Variants in SIGLEC5 observed in about 807,000 individuals in gnomAD.
SIGLEC5 encodes sialic acid binding Ig like lectin 5.
In SIGLEC5, 34 loss-of-function variants were observed where a neutral mutation model predicts 45.9. The observed-to-expected ratio is 0.74, with a 90% confidence interval of 0.56 to 0.99. SIGLEC5 has a LOEUF of 0.99. SIGLEC5 is among the 50% of genes least tolerant of loss of function. The pLI is 0.00. For missense variants in SIGLEC5, 508 were observed against 629.6 expected (o/e 0.81, Z 2.07); for synonymous variants, 203 against 258.6 (o/e 0.79, Z 2.06).
intron 8 of SIGLEC5, among the ~76,000 whole-genome samples, chr19:51,622,822 A>AT (rs1041130865): frequency 6.6e-6 from 1 of 151,692 alleles, no homozygotes; most frequent in Non-Finnish European, 1.5e-5. Flanking sequence ...CATCAGTTCA[A>AT]TTTTTTTTTA....
intron 8 of SIGLEC5, among the ~76,000 whole-genome samples, chr19:51,623,295 G>C (rs1355999632): frequency 6.6e-6 from 1 of 152,128 alleles, no homozygotes; most frequent in African/African-American, 2.4e-5. Context: ...ATAGAAAAGA[G>C]AGGATTTGTG....
In SIGLEC5 at chr19:51,629,033, C is replaced by T; in HGVS notation, c.739+5G>A. ...TCCCAGCTTCAGAGAGGAGGTCTTT[C>T]CTACCTATGCCGTTCCTGAAGATGG... On this transcript the variant is annotated splice_donor_5th_base_variant and intron_variant, in intron 4 of 8. Transcript: ENST00000683636. 6.2e-7 allele frequency: 1 copy of T among 1,613,610 alleles called. No individual in the cohort carries two copies.
intron 8 of SIGLEC5, among the ~76,000 whole-genome samples, chr19:51,615,164 G>A (rs935433908): frequency 7.2e-5 from 11 of 152,160 alleles, no homozygotes; most frequent in Non-Finnish European, 1.2e-4. Context: ...CATAGTTCTT[G>A]TCAAAAGAGT....
At position 51,627,448 on chromosome 19, in the gene SIGLEC5, A is replaced by G. The variant is rs781572384; in HGVS notation, c.1282+14T>C. The G allele has an allele frequency of 5.6e-6, 9 of 1,605,258 alleles. No individual in the cohort carries two copies. The South Asian group carries it at 8.9e-5, about 16-fold the overall frequency. ...TCCCCTCAGGCCCCTGCCCTCTGCA[A>G]TACGCCCCCTGACCTTGCAGCAGCA... is the stretch of plus-strand genomic sequence containing the variant. On this transcript the variant is annotated intron_variant, in intron 6 of 8. Transcript: ENST00000683636.
chr19:51,613,796 G>A (rs1331418372), intron 8 of SIGLEC5, among the ~76,000 whole-genome samples: 4 of 151,966 alleles, frequency 2.6e-5, no homozygotes, highest in Admixed American at 6.6e-5. Flanking sequence ...GCGAGGCCAG[G>A]ATTCGAACTC....
intron 8 of SIGLEC5, among the ~76,000 whole-genome samples, chr19:51,617,379 A>G (rs1367966051): frequency 6.6e-6 from 1 of 152,156 alleles, no homozygotes; most frequent in African/African-American, 2.4e-5. Context: ...AAAAAGATGC[A>G]GGGAATCCCA....
intron 4 of SIGLEC5, among the ~76,000 whole-genome samples, chr19:51,628,594 CGTGTGCGGGTGTACGTACAT>C (rs1389632065): frequency 6.8e-4 from 103 of 150,472 alleles, no homozygotes; most frequent in Non-Finnish European, 1.5e-5. Flanking sequence ...TGTGTGTGTG[CGTGTGCGGGTGTACGTACAT>C]GTGTGCGTGT....
Position 51,626,114 on chromosome 19 carries a change from C to CT in SIGLEC5, c.1383-2dup, listed in dbSNP as rs1400909068. The CT allele has an allele frequency of 1.2e-6, 2 of 1,613,484 alleles. No homozygotes were observed. The highest frequency in any genetic ancestry group is 2.2e-5 in the South Asian group (2 of 91,060). ...TGCTTGCTTCCTGCGGGCTTTCACT[C>CT]TAAGGAAAGAAACCAGCACAGTGCA... On this transcript the variant is annotated splice_acceptor_variant, in intron 7 of 8. Coordinates refer to ENST00000683636, the MANE Select transcript of SIGLEC5 (RefSeq NM_003830.4). LOFTEE classifies it high-confidence loss of function.
chr19:51,629,302 A>ACACACG, intron 3 of SIGLEC5, 56 bp downstream of exon 3: 1 of 1,542,880 alleles, frequency 6.5e-7, no homozygotes, highest in Non-Finnish European at 8.9e-7. Flanking sequence ...ACACACACAC[A>ACACACG]CACCCCTCAC....
rs1317198324 is a variant in SIGLEC5 at position 51,627,861 on chromosome 19, G to T, written c.970C>A (p.Gln324Lys). 1.9e-6 allele frequency: 3 copies of T among 1,607,946 alleles called. No homozygotes were observed. The highest frequency in any genetic ancestry group is 3.4e-5 in the Admixed American group (2 of 58,952). The change falls in exon 5 of 9, where the codon CAA becomes AAA. Residue 324 changes from glutamine to lysine, a missense_variant. By Grantham distance (53) the Gln-to-Lys change is moderately conservative (BLOSUM62 1). This residue lies in a region of SIGLEC5 where 431 missense variants were observed against 428.8 expected (regional missense o/e 1.01). Coordinates refer to ENST00000683636, the MANE Select transcript of SIGLEC5 (RefSeq NM_003830.4). ...CRAQHPLGFLQIFLNLSVYSL... is the reference protein window; with the variant it reads ...CRAQHPLGFLKIFLNLSVYSL... ...TAAACTGAGAGATTCAGAAAAATTT[G>T]CAGGAAGCCCAGCGGGTGCTGAGCG...
At chr19:51,616,671 G>A (rs1360530064) in intron 8 of SIGLEC5, among the ~76,000 whole-genome samples, 1 of 152,106 alleles carries the variant, frequency 6.6e-6, no homozygotes, top group Non-Finnish European at 1.5e-5. Flanking sequence ...TAGCACTTTG[G>A]AAGGCCAAGG....
At chr19:51,614,638 A>G (rs1462160207) in intron 8 of SIGLEC5, among the ~76,000 whole-genome samples, 1 of 152,230 alleles carries the variant, frequency 6.6e-6, no homozygotes, top group Non-Finnish European at 1.5e-5. Flanking sequence ...TATATGAAAT[A>G]AAAAGGGTGA....
chr19:51,628,209 G>A, intron 4 of SIGLEC5, 118 bp from the exon 5 acceptor site: 1 of 1,166,138 alleles, frequency 8.6e-7, no homozygotes, highest in Admixed American at 3.2e-5. Context: ...GCCTATGCTG[G>A]CTTGATTGCA....
At chr19:51,618,460 A>AC (rs1486943176) in intron 8 of SIGLEC5, among the ~76,000 whole-genome samples, 1 of 149,986 alleles carries the variant, frequency 6.7e-6, no homozygotes, top group Non-Finnish European at 1.5e-5. Flanking sequence ...AAAAAAAAAA[A>AC]AAAAAAAACA....
Position 51,611,509 on chromosome 19 carries a change from A to T in SIGLEC5, c.*722T>A, listed in dbSNP as rs1340998007. Among the ~76,000 whole-genome samples, 1 of 152,196 alleles carries T rather than the reference A, an allele frequency of 6.6e-6. No individual in the cohort carries two copies. The highest frequency in any genetic ancestry group is 6.5e-5 in the Admixed American group (1 of 15,286). On this transcript the variant is annotated 3_prime_UTR_variant, in exon 9 of 9. Coordinates refer to ENST00000683636, the MANE Select transcript of SIGLEC5 (RefSeq NM_003830.4). Reference sequence around the variant, plus strand: ...TAGCAGGGAGATCATGAAGGACTTTATGTGTCAGGGGAGATGCTTGTGATA... The same window carrying T: ...TAGCAGGGAGATCATGAAGGACTTTTTGTGTCAGGGGAGATGCTTGTGATA...
At chr19:51,616,268 T>C (rs1456806576) in intron 8 of SIGLEC5, among the ~76,000 whole-genome samples, 1 of 152,200 alleles carries the variant, frequency 6.6e-6, no homozygotes, top group African/African-American at 2.4e-5. Flanking sequence ...ACTAGGACGC[T>C]TTGGTCAAGA....
At chr19:51,623,702 A>G (rs1983376293) in intron 8 of SIGLEC5, among the ~76,000 whole-genome samples, 1 of 152,162 alleles carries the variant, frequency 6.6e-6, no homozygotes, top group African/African-American at 2.4e-5. Flanking sequence ...TTGGAAAGCC[A>G]TTTTTCATGA....
chr19:51,622,967 A>C (rs1336085844), intron 8 of SIGLEC5, among the ~76,000 whole-genome samples: 1 of 152,198 alleles, frequency 6.6e-6, no homozygotes, highest in Admixed American at 6.5e-5. Flanking sequence ...TTTATGGCTG[A>C]ATAGTACTCC....
intron 8 of SIGLEC5, among the ~76,000 whole-genome samples, chr19:51,614,974 A>G (rs1036184376): frequency 3.9e-5 from 6 of 152,044 alleles, no homozygotes; most frequent in East Asian, 3.9e-4. Context: ...ACAAAAAAAC[A>G]GAGAGGTTCA....
Sources: allele counts gnomAD v4.1 joint callset (sites outside exome capture counted in the v4.1 genomes callset), GRCh38; gene constraint gnomAD v4.1.1; regional missense constraint gnomAD v4.1.1; transcripts MANE v1.5; gene names NCBI Gene and HGNC (gene_info 2026-07-23, HGNC 2026-07-21).